Variants in MRE11 observed in about 807,000 individuals in gnomAD.
MRE11 encodes double-strand break repair protein MRE11.
Under a neutral mutation model 91.7 loss-of-function variants are expected in MRE11, and 62 were observed. That is an observed-to-expected ratio of 0.68 (90% CI 0.55 to 0.84). The LOEUF (loss-of-function observed/expected upper bound fraction) is 0.84. MRE11 is among the 40% of genes least tolerant of loss of function. The probability of loss-of-function intolerance (pLI) is 0.00; values close to 1 mark genes in which losing one functional copy is unlikely to be tolerated. For synonymous variants in MRE11, 273 were observed against 271.4 expected, an observed-to-expected ratio of 1.01 and a Z score of -0.06; for missense variants, 796 against 852.9, an observed-to-expected ratio of 0.93 and a Z score of 0.83.
At chr11:94,472,747 A>G (rs939240919) in intron 7 of MRE11, among the ~76,000 whole-genome samples, 12 of 152,280 alleles carry the variant, frequency 7.9e-5, no homozygotes, top group African/African-American at 2.9e-4. Flanking sequence ...TATATATAAA[A>G]TGTAAACAAA....
upstream of MRE11, chr11:94,494,182 G>A (rs1947373419): frequency 6.6e-6 from 1 of 152,224 alleles, no homozygotes; most frequent in African/African-American, 2.4e-5. Flanking sequence ...TAGGACCGAA[G>A]CCGCTTCTCC....
upstream of MRE11, chr11:94,498,433 C>T (rs769910387): frequency 5.6e-6 from 9 of 1,613,768 alleles, no homozygotes; most frequent in South Asian, 1.1e-5. Context: ...TGAAAAACAA[C>T]TTGGAAGAAA....
intron 5 of MRE11, 125 bp downstream of exon 5, chr11:94,479,549 A>G: frequency 2.5e-6 from 2 of 788,964 alleles, no homozygotes; most frequent in Non-Finnish European, 2.1e-6. Context: ...ATGAATGTGA[A>G]AAGTCAACTT....
intron 5 of MRE11, 132 bp downstream of exon 5, chr11:94,479,542 A>G: frequency 2.7e-6 from 2 of 740,290 alleles, no homozygotes; most frequent in Non-Finnish European, 4.7e-6. Flanking sequence ...AGCTTGTATG[A>G]ATGTGAAAAG....
chr11:94,509,293 A>C, the MRE11 span, among the ~76,000 whole-genome samples: 5 of 151,960 alleles, frequency 3.3e-5, no homozygotes, highest in African/African-American at 1.2e-4. Context: ...TTTGGCTCTC[A>C]ATGCTGTTAT....
intron 4 of MRE11, among the ~76,000 whole-genome samples, chr11:94,482,507 T>G (rs1947036541): frequency 6.6e-6 from 1 of 152,060 alleles, no homozygotes. Context: ...AAACTGAATC[T>G]ACACAAAAGA....
chr11:94,504,390 T>A, the MRE11 span, among the ~76,000 whole-genome samples: 1 of 152,178 alleles, frequency 6.6e-6, no homozygotes, highest in Admixed American at 6.5e-5. Context: ...TTTAAAAAAA[T>A]ATGTTTCACC....
chr11:94,472,466 T>C (rs1422115947), intron 7 of MRE11, among the ~76,000 whole-genome samples: 1 of 152,110 alleles, frequency 6.6e-6, no homozygotes, highest in Non-Finnish European at 1.5e-5. Flanking sequence ...CAAATACTGT[T>C]ACCCAAACAC....
intron 7 of MRE11, among the ~76,000 whole-genome samples, chr11:94,474,249 A>G (rs1198876875): frequency 6.6e-6 from 1 of 152,134 alleles, no homozygotes; most frequent in Non-Finnish European, 1.5e-5. Context: ...TTTTGCCATT[A>G]CAAGAGCCAA....
At chr11:94,428,073 C>G (rs1257877094) in intron 19 of MRE11, among the ~76,000 whole-genome samples, 1 of 151,994 alleles carries the variant, frequency 6.6e-6, no homozygotes, top group South Asian at 2.1e-4. Flanking sequence ...AAGAAGAACC[C>G]AAATAGACAA....
rs531184565 is a variant in MRE11, at chr11:94,428,645, TA to T, written c.2070+1265del. On this transcript the variant is annotated intron_variant, in intron 19 of 19. Transcript: ENST00000323929. ...TTGGGAGGCCGAGGCAGGTGGATCA[TA>T]AGGTCAGGAGTTTGAGACCAGCCTG... 4.5e-3 allele frequency among the ~76,000 whole-genome samples: 686 copies of T among 152,054 alleles called. 5 individuals are homozygous for T. Among genetic ancestry groups the T allele is most frequent in the African/African-American group, 0.016 (655 of 41,484 alleles).
chr11:94,447,629 G>C (rs1945974516), intron 14 of MRE11, among the ~76,000 whole-genome samples, 191 bp from the exon 15 acceptor site: 1 of 126,730 alleles, frequency 7.9e-6, no homozygotes, highest in South Asian at 2.4e-4. Flanking sequence ...AAGAGTTTGA[G>C]ACAAGCCTGG....
chr11:94,446,828 T>C (rs1945945002), intron 15 of MRE11, among the ~76,000 whole-genome samples: 1 of 152,218 alleles, frequency 6.6e-6, no homozygotes, highest in Non-Finnish European at 1.5e-5. Flanking sequence ...AAAATAATAA[T>C]TGTATGATCT....
At position 94,417,772 on chromosome 11, in the gene MRE11, A is replaced by C. The variant is rs192752144; in HGVS notation, c.*2353T>G. 1 of 233,094 alleles carries C rather than the reference A, an allele frequency of 4.3e-6. No homozygotes were observed. The highest frequency in any genetic ancestry group is 6.1e-5 in the East Asian group (1 of 16,494). 14.4% of individuals were successfully genotyped at this position (233,094 alleles called of 1,614,324 possible). On this transcript the variant is annotated 3_prime_UTR_variant, in exon 20 of 20. Transcript: ENST00000323929. ...GTATTTATTGTATTTCCTACTTTTA[A>C]AAGTTTGGGAAAAAAGTCTTTTACA...
intron 7 of MRE11, chr11:94,473,242 T>C (rs1946764362): frequency 6.6e-6 from 1 of 152,100 alleles, no homozygotes; most frequent in Admixed American, 6.6e-5. Context: ...AAAACATACA[T>C]CTAAGGTATG....
chr11:94,417,769 T>A lies in MRE11; in HGVS notation c.*2356A>T, dbSNP rs1047535745. ...TCTGTATTTATTGTATTTCCTACTT[T>A]TAAAAGTTTGGGAAAAAAGTCTTTT... On this transcript the variant is annotated 3_prime_UTR_variant, in exon 20 of 20. Transcript: ENST00000323929. 2 of 233,124 alleles carry A rather than the reference T, an allele frequency of 8.6e-6. No homozygotes were observed. Among genetic ancestry groups the A allele is most frequent in the Non-Finnish European group, 1.7e-5 (2 of 117,960 alleles). 14.4% of individuals were successfully genotyped at this position (233,124 alleles called of 1,614,324 possible). A position where few individuals can be genotyped will look rare whatever the true frequency, so the allele number is the denominator to read the frequency against.
intron 19 of MRE11, among the ~76,000 whole-genome samples, chr11:94,420,722 C>A (rs1406296150): frequency 6.6e-6 from 1 of 152,186 alleles, no homozygotes; most frequent in Non-Finnish European, 1.5e-5. Context: ...AAAAGAAATA[C>A]ATGCAGTTAT....
chr11:94,479,021 A>G (rs1449470458), intron 5 of MRE11, 145 bp from the exon 6 acceptor site: 3 of 861,446 alleles, frequency 3.5e-6, no homozygotes, highest in African/African-American at 3.4e-5. Context: ...CAAAATTACA[A>G]TAGTAAAAGT....
intron 19 of MRE11, among the ~76,000 whole-genome samples, chr11:94,424,087 T>C (rs1945245071): frequency 6.6e-6 from 1 of 151,904 alleles, no homozygotes; most frequent in Non-Finnish European, 1.5e-5. Context: ...GGTCCAGGAG[T>C]GGCCCTTATG....
Sources: gnomAD v4.1 joint callset for allele counts (sites outside exome capture counted in the v4.1 genomes callset) on GRCh38, gnomAD v4.1.1 for gene constraint, MANE v1.5 for transcripts, NCBI Gene and HGNC (gene_info 2026-07-23, HGNC 2026-07-21) for gene names.